XKRX: variants seen among roughly 807,000 people sequenced by gnomAD.
XKRX encodes the protein XK-related protein 2.
XKRX carries 11 observed loss-of-function variants against 22.4 expected under a neutral mutation model. That is an observed-to-expected ratio of 0.49 (90% confidence interval 0.31 to 0.81). The LOEUF (loss-of-function observed/expected upper bound fraction) is 0.81. XKRX is among the 40% of genes least tolerant of loss of function. The probability of loss-of-function intolerance (pLI) is 0.05; values close to 1 mark genes in which losing one functional copy is unlikely to be tolerated. For missense variants in XKRX, 320 were observed against 336.5 expected, an observed-to-expected ratio of 0.95 and a Z score of 0.38; for synonymous variants, 114 against 132.2, an observed-to-expected ratio of 0.86 and a Z score of 0.94.
At chrX:100,906,815 C>G in the XKRX span, among the ~76,000 whole-genome samples, 1 of 111,598 alleles carries the variant, frequency 9.0e-6, no homozygotes, top group African/African-American at 3.3e-5. Flanking sequence ...CATGCTTTTT[C>G]CAGCTTCTGA....
intron 2 of XKRX, among the ~76,000 whole-genome samples, chrX:100,916,908 C>G (rs1039487900): frequency 3.6e-4 from 40 of 112,390 alleles, no homozygotes; most frequent in African/African-American, 1.1e-3. Flanking sequence ...CACCTGAGGT[C>G]AGGAGTTCGA....
At chrX:100,890,976 T>C in the XKRX span, among the ~76,000 whole-genome samples, 1 of 112,135 alleles carries the variant, frequency 8.9e-6, no homozygotes. Context: ...GAATAGAATT[T>C]AGGGGTGCTC....
At chrX:100,940,954 A>G in the XKRX span, among the ~76,000 whole-genome samples, 1 of 111,796 alleles carries the variant, frequency 8.9e-6, no homozygotes, top group East Asian at 2.8e-4. Context: ...CCAACCCATC[A>G]GAATAACCTC....
chrX:100,956,865 CAA>C, the XKRX span: 1 of 811,919 alleles, frequency 1.2e-6, no homozygotes, highest in African/African-American at 2.0e-5. Flanking sequence ...TGTCTAAAGT[CAA>C]GTCTAGCCTA....
the XKRX span, among the ~76,000 whole-genome samples, chrX:100,952,476 G>A: frequency 2.0e-3 from 226 of 110,549 alleles, 1 homozygote; most frequent in African/African-American, 6.5e-3. Flanking sequence ...TTCTCACCAC[G>A]GTGATTCAAC....
At chrX:100,908,612 C>T (rs768847075), downstream of XKRX, among the ~76,000 whole-genome samples, 3 of 111,867 alleles carry the variant, frequency 2.7e-5, no homozygotes. Context: ...AGATTATGGA[C>T]ATATGTGTCC....
At chrX:100,917,718 G>GAAAGAAAGAAAGAAAGAA (rs1556194341) in intron 2 of XKRX, among the ~76,000 whole-genome samples, 11 of 85,821 alleles carry the variant, frequency 1.3e-4, no homozygotes, top group African/African-American at 4.1e-4. Context: ...AAGAAAGAAA[G>GAAAGAAAGAAAGAAAGAA]AAAGAAATCC....
the XKRX span, among the ~76,000 whole-genome samples, chrX:100,939,829 A>C: frequency 8.9e-6 from 1 of 112,483 alleles, no homozygotes; most frequent in African/African-American, 3.2e-5. Flanking sequence ...AAAAAGGACA[A>C]AGTTTAAAAA....
chrX:100,946,159 C>T, the XKRX span, among the ~76,000 whole-genome samples: 1 of 107,089 alleles, frequency 9.3e-6, no homozygotes, highest in South Asian at 4.3e-4. Context: ...CACTCTAGCC[C>T]GGGCAACAGT....
chrX:100,953,846 T>C, the XKRX span, among the ~76,000 whole-genome samples: 1 of 94,566 alleles, frequency 1.1e-5, no homozygotes, highest in Non-Finnish European at 2.0e-5. Context: ...GAGGTGGAGG[T>C]TGCAGTGAGC....
At chrX:100,945,289 C>CACACACACACAT in the XKRX span, among the ~76,000 whole-genome samples, 917 of 98,531 alleles carry the variant, frequency 9.3e-3, 25 homozygotes, top group Admixed American at 0.033. Flanking sequence ...CACACACACA[C>CACACACACACAT]AGTTTATTTT....
the XKRX span, among the ~76,000 whole-genome samples, chrX:100,950,013 T>C: frequency 1.8e-5 from 2 of 111,652 alleles, no homozygotes; most frequent in Non-Finnish European, 3.8e-5. Flanking sequence ...CGAATGAATA[T>C]GACAGAAGAA....
At chrX:100,887,932 C>T in the XKRX span, 14 of 1,116,239 alleles carry the variant, frequency 1.3e-5, no homozygotes, top group East Asian at 3.0e-5. Context: ...CGACCACTGA[C>T]GTTTCCTCCA....
At chrX:100,910,540 A>T (rs1464949958), downstream of XKRX, among the ~76,000 whole-genome samples, 1 of 107,202 alleles carries the variant, frequency 9.3e-6, no homozygotes, top group Non-Finnish European at 1.9e-5. Context: ...AGCCAAGATC[A>T]TGCCACTGCA....
At chrX:100,901,395 A>G in the XKRX span, among the ~76,000 whole-genome samples, 2 of 111,909 alleles carry the variant, frequency 1.8e-5, no homozygotes, top group Non-Finnish European at 3.8e-5. Context: ...TGAACAAAAG[A>G]GGCATTACAT....
the XKRX span, among the ~76,000 whole-genome samples, chrX:100,906,460 G>A: frequency 9.0e-6 from 1 of 111,581 alleles, no homozygotes; most frequent in Admixed American, 9.6e-5. Flanking sequence ...AGAAAACAAT[G>A]TCACTGCATC....
the XKRX span, among the ~76,000 whole-genome samples, chrX:100,943,693 C>T: frequency 3.6e-5 from 4 of 112,001 alleles, no homozygotes; most frequent in African/African-American, 9.7e-5. Context: ...TGTGAGCCAC[C>T]GTGCCTGGCC....
the XKRX span, among the ~76,000 whole-genome samples, chrX:100,938,625 T>C: frequency 3.5e-4 from 39 of 110,937 alleles, no homozygotes; most frequent in African/African-American, 1.1e-3. Context: ...CAAGACTCTG[T>C]CTCAAACAAA....
chrX:100,949,795 T>A, the XKRX span, among the ~76,000 whole-genome samples: 1 of 111,998 alleles, frequency 8.9e-6, no homozygotes, highest in South Asian at 3.7e-4. Context: ...ACTCCAGTGC[T>A]GAGCTGACAC....
Sources: allele counts gnomAD v4.1 joint callset (sites outside exome capture counted in the v4.1 genomes callset), GRCh38; gene constraint gnomAD v4.1.1; transcripts MANE v1.5; gene names NCBI Gene and HGNC (gene_info 2026-07-23, HGNC 2026-07-21).